CCNY: variants seen among roughly 807,000 people sequenced by gnomAD.
CCNY encodes cyclin Y.
In CCNY, 19 loss-of-function variants were observed where a neutral mutation model predicts 42.8. The ratio of observed to expected loss-of-function variants is 0.44; its 90% CI spans 0.31 to 0.65. The LOEUF (loss-of-function observed/expected upper bound fraction) is 0.65. Among genes scored for constraint, CCNY ranks in the 30% least tolerant of loss-of-function variants. CCNY has a pLI of 0.07. For missense variants in CCNY, 370 were observed against 437.3 expected (o/e 0.85, Z 1.37); for synonymous variants, 165 against 162.7 (o/e 1.01, Z -0.11).
chr10:35,343,419 C>T (rs532998539), intron 1 of CCNY, among the ~76,000 whole-genome samples: 2 of 66,982 alleles, frequency 3.0e-5, no homozygotes, highest in African/African-American at 6.6e-5. Context: ...AACGGAGTTT[C>T]GCTCTTATTG....
chr10:35,482,301 T>C (rs1426673702), intron 1 of CCNY, among the ~76,000 whole-genome samples: 1 of 152,242 alleles, frequency 6.6e-6, no homozygotes, highest in Non-Finnish European at 1.5e-5. Context: ...TCTGCAAATT[T>C]ATTGAAATAA....
chr10:35,571,998 A>G lies in CCNY; in HGVS notation c.*2828A>G, dbSNP rs957278315. The G allele has an allele frequency of 1.4e-4, 21 of 151,922 alleles. 1 individual carries two copies. Among genetic ancestry groups the G allele is most frequent in the African/African-American group, 4.8e-4 (20 of 41,362 alleles). 9.4% of individuals were successfully genotyped at this position (151,922 alleles called of 1,614,324 possible). ...TTTTAACTAGAAAAAGGGAAAGAAG[A>G]AGTCAGGAGTTTAAAACCAAATTGG... On this transcript the variant is annotated 3_prime_UTR_variant, in exon 10 of 10. Transcript: ENST00000374704.
chr10:35,428,426 G>A (rs1313561587), intron 1 of CCNY, among the ~76,000 whole-genome samples: 1 of 152,246 alleles, frequency 6.6e-6, no homozygotes, highest in Non-Finnish European at 1.5e-5. Context: ...CTGCAGGAAA[G>A]CCAGTCTGGC....
intron 1 of CCNY, among the ~76,000 whole-genome samples, chr10:35,382,397 C>A (rs1218938120): frequency 1.3e-5 from 2 of 152,342 alleles, no homozygotes; most frequent in East Asian, 3.9e-4. Flanking sequence ...GATGCCTTCT[C>A]TTGGGAGGGG....
intron 7 of CCNY, among the ~76,000 whole-genome samples, chr10:35,537,151 A>G (rs1462104082): frequency 6.6e-6 from 1 of 152,230 alleles, no homozygotes; most frequent in Non-Finnish European, 1.5e-5. Context: ...GTTGCTTCAG[A>G]GGGTGGAAGC....
At chr10:35,499,222 G>A (rs1375968819) in intron 2 of CCNY, among the ~76,000 whole-genome samples, 4 of 152,136 alleles carry the variant, frequency 2.6e-5, no homozygotes, top group Admixed American at 2.6e-4. Context: ...GAGGTTTAAG[G>A]GACTTACAGT....
At chr10:35,485,979 A>G (rs2135371453) in intron 2 of CCNY, among the ~76,000 whole-genome samples, 1 of 152,226 alleles carries the variant, frequency 6.6e-6, no homozygotes, top group Non-Finnish European at 1.5e-5. Flanking sequence ...CATGGCATTT[A>G]TGTCAACTGT....
intron 1 of CCNY, among the ~76,000 whole-genome samples, chr10:35,406,012 G>A (rs1837751476): frequency 6.6e-6 from 1 of 152,120 alleles, no homozygotes; most frequent in Non-Finnish European, 1.5e-5. Context: ...GAGTTCTTGT[G>A]TGCTGGAGAT....
chr10:35,372,312 G>A (rs144136893), intron 1 of CCNY, among the ~76,000 whole-genome samples: 9 of 152,194 alleles, frequency 5.9e-5, no homozygotes, highest in South Asian at 2.1e-4. Flanking sequence ...AATTTAATGC[G>A]TTAGCAGTGC....
At chr10:35,391,547 A>T (rs1020499663) in intron 1 of CCNY, among the ~76,000 whole-genome samples, 1 of 152,204 alleles carries the variant, frequency 6.6e-6, no homozygotes, top group Admixed American at 6.5e-5. Context: ...CAGGAAGTTA[A>T]ACTTTAAAAT....
intron 3 of CCNY, among the ~76,000 whole-genome samples, chr10:35,279,102 C>T (rs1159123722): frequency 2.0e-5 from 3 of 146,928 alleles, no homozygotes; most frequent in Non-Finnish European, 4.5e-5. Flanking sequence ...ACCAGTCAAG[C>T]TTTCAATGTT....
chr10:35,250,117 C>A (rs1187260948), intron 2 of CCNY, among the ~76,000 whole-genome samples: 7 of 150,164 alleles, frequency 4.7e-5, no homozygotes, highest in Middle Eastern at 3.4e-3. Flanking sequence ...TGGCGTGAAC[C>A]CGGGAGGCAG....
chr10:35,251,589 C>CTTTT (rs34197441), intron 3 of CCNY, among the ~76,000 whole-genome samples: 1 of 139,346 alleles, frequency 7.2e-6, no homozygotes, highest in Non-Finnish European at 1.6e-5. Context: ...TTCAATGTCA[C>CTTTT]TTTTTTTTTT....
chr10:35,449,771 C>T (rs985297423), intron 1 of CCNY: 5 of 985,312 alleles, frequency 5.1e-6, no homozygotes, highest in East Asian at 1.1e-4. Flanking sequence ...AAGAAGGCTG[C>T]AGTGCTTCTC....
At chr10:35,449,621 C>A in intron 1 of CCNY, 1 of 235,946 alleles carries the variant, frequency 4.2e-6, no homozygotes, top group Non-Finnish European at 6.8e-6. Flanking sequence ...ATGGGAAATG[C>A]ATGATGCAGG....
intron 1 of CCNY, among the ~76,000 whole-genome samples, chr10:35,402,868 A>G (rs1019484085): frequency 3.9e-5 from 6 of 152,170 alleles, no homozygotes; most frequent in African/African-American, 1.4e-4. Flanking sequence ...TGCTTGGGTA[A>G]TATGACTAGT....
chr10:35,437,140 C>T (rs1048144986), intron 1 of CCNY, among the ~76,000 whole-genome samples: 55 of 152,310 alleles, frequency 3.6e-4, no homozygotes, highest in Middle Eastern at 3.4e-3. Flanking sequence ...TATCTCCACC[C>T]GGCCCCACCA....
At chr10:35,382,223 C>T (rs2504352) in intron 1 of CCNY, among the ~76,000 whole-genome samples, 66,302 of 152,042 alleles carry the variant, frequency 0.44, 15,655 homozygotes, top group African/African-American at 0.62. Flanking sequence ...ATTACTTGTA[C>T]TGAAGGATTA....
chr10:35,321,592 T>C (rs1226525857), intron 3 of CCNY, among the ~76,000 whole-genome samples: 1 of 152,012 alleles, frequency 6.6e-6, no homozygotes, highest in Admixed American at 6.6e-5. Context: ...ACAGGAGGAT[T>C]GCTTGAGTCT....
Sources: gnomAD v4.1 joint callset for allele counts (sites outside exome capture counted in the v4.1 genomes callset) on GRCh38, gnomAD v4.1.1 for gene constraint, MANE v1.5 for transcripts, NCBI Gene and HGNC (gene_info 2026-07-23, HGNC 2026-07-21) for gene names.